SPTLC3: variants seen among roughly 807,000 people sequenced by gnomAD.
SPTLC3 encodes serine palmitoyltransferase 3.
A neutral mutation model predicts 59.3 loss-of-function variants in SPTLC3; 36 were observed. The observed-to-expected ratio is 0.61, with a 90% confidence interval of 0.47 to 0.80. SPTLC3 has a LOEUF of 0.80. SPTLC3 is among the 30% of genes least tolerant of loss of function. The pLI, the probability that SPTLC3 is intolerant of heterozygous loss-of-function variation, is 0.00. For synonymous variants in SPTLC3, 257 were observed against 240.8 expected (o/e 1.07, Z -0.62); for missense variants, 625 against 685.1 (o/e 0.91, Z 0.98).
chr20:13,111,548 C>A (rs1311811195), intron 7 of SPTLC3, among the ~76,000 whole-genome samples: 4 of 152,216 alleles, frequency 2.6e-5, no homozygotes, highest in Non-Finnish European at 5.9e-5. Flanking sequence ...GTATAACTGA[C>A]AACTCGTAGG....
At position 13,067,005 on chromosome 20, in the gene SPTLC3, G is replaced by A. The variant is rs973485092; in HGVS notation, c.304-5251G>A. 4.2e-5 allele frequency among the ~76,000 whole-genome samples: 5 copies of A among 117,660 alleles called. 1 individual carries two copies. The Admixed American group carries it at 4.3e-4, about 10-fold the overall frequency. The allele number at this position is 117,660 out of a possible 152,430, so 77.2% of individuals were successfully genotyped here. ...TGAACTGTTTATCCTTTAAATGGGT[G>A]CATTGTTCTGTTATGTTTATATAAA... On this transcript the variant is annotated intron_variant, in intron 2 of 11. Transcript: ENST00000399002.
intron 9 of SPTLC3, among the ~76,000 whole-genome samples, chr20:13,138,027 C>G (rs1030826757): frequency 6.6e-6 from 1 of 152,146 alleles, no homozygotes; most frequent in Non-Finnish European, 1.5e-5. Flanking sequence ...TTCTTGCCAC[C>G]AACCCAGGGA....
chr20:13,050,022 A>G (rs1194002918), intron 2 of SPTLC3: 1 of 152,190 alleles, frequency 6.6e-6, no homozygotes, highest in Admixed American at 6.5e-5. Flanking sequence ...TGACAAAACA[A>G]GGCTCTTCAA....
At chr20:13,032,199 T>C (rs2122436290) in intron 1 of SPTLC3, among the ~76,000 whole-genome samples, 1 of 152,334 alleles carries the variant, frequency 6.6e-6, no homozygotes, top group South Asian at 2.1e-4. Context: ...GTTCCTCAAG[T>C]GAGCCAGCCA....
In SPTLC3 at chr20:13,025,760, C is replaced by T. The variant is rs138270197; in HGVS notation, c.117+16376C>T. On this transcript the variant is annotated intron_variant, in intron 1 of 11. Coordinates refer to ENST00000399002, the MANE Select transcript of SPTLC3 (RefSeq NM_018327.4). ...AACTTCTATTTTAGGTTCAGGGGTA[C>T]ATGCACAGGCCTGTTATATAGGTAA... Among the ~76,000 whole-genome samples, 371 of 152,182 alleles carry T rather than the reference C, an allele frequency of 2.4e-3. 2 individuals carry two copies. The highest frequency in any genetic ancestry group is 8.6e-3 in the African/African-American group (358 of 41,522).
chr20:13,063,642 T>TTTA (rs926499574), intron 2 of SPTLC3, among the ~76,000 whole-genome samples: 2 of 146,214 alleles, frequency 1.4e-5, no homozygotes, highest in African/African-American at 5.1e-5. Context: ...TTAAATTTTA[T>TTTA]TTATTTATTT....
chr20:13,024,687 G>C (rs377599694), intron 1 of SPTLC3, among the ~76,000 whole-genome samples: 1 of 152,154 alleles, frequency 6.6e-6, no homozygotes, highest in Non-Finnish European at 1.5e-5. Flanking sequence ...TAAAATTAAA[G>C]AGTTTAATCT....
At chr20:13,118,449 G>GAAAAA (rs940467763) in intron 8 of SPTLC3, among the ~76,000 whole-genome samples, 3 of 128,122 alleles carry the variant, frequency 2.3e-5, no homozygotes, top group Non-Finnish European at 4.7e-5. Flanking sequence ...GAGGTTTGTG[G>GAAAAA]AAAAAAAAAA....
intron 9 of SPTLC3, among the ~76,000 whole-genome samples, chr20:13,143,244 C>T (rs1482161260): frequency 6.6e-6 from 1 of 152,138 alleles, no homozygotes; most frequent in Non-Finnish European, 1.5e-5. Context: ...AAGAGGGACC[C>T]AGTTTTAGAG....
At chr20:13,048,861 AG>A (rs1987343849) in intron 1 of SPTLC3, 83 bp from the exon 2 acceptor site, 2 of 1,208,438 alleles carry the variant, frequency 1.7e-6, no homozygotes, top group Middle Eastern at 2.0e-4. Flanking sequence ...TGGAATTCAA[AG>A]GGTTGAAAGT....
chr20:13,114,120 G>C (rs140188044), intron 7 of SPTLC3, among the ~76,000 whole-genome samples: 1 of 152,282 alleles, frequency 6.6e-6, no homozygotes, highest in Non-Finnish European at 1.5e-5. Context: ...CACATCCAAT[G>C]AAGTAAACAT....
intron 2 of SPTLC3, among the ~76,000 whole-genome samples, chr20:13,059,435 G>A (rs1987861998): frequency 6.6e-6 from 1 of 152,156 alleles, no homozygotes; most frequent in Non-Finnish European, 1.5e-5. Flanking sequence ...CTATTCTAAA[G>A]GTTCTCAATT....
At chr20:13,126,145 T>C (rs2037984385) in intron 8 of SPTLC3, among the ~76,000 whole-genome samples, 4 of 152,214 alleles carry the variant, frequency 2.6e-5, no homozygotes, top group Admixed American at 2.6e-4. Flanking sequence ...TGCAGGCCTG[T>C]TGCATGTCCT....
At chr20:13,162,676 C>T (rs2038916763) in intron 11 of SPTLC3, among the ~76,000 whole-genome samples, 1 of 152,202 alleles carries the variant, frequency 6.6e-6, no homozygotes, top group Admixed American at 6.5e-5. Flanking sequence ...GTGACAGTTG[C>T]TCATTCACCA....
At chr20:13,017,047 C>T (rs539778534) in intron 1 of SPTLC3, among the ~76,000 whole-genome samples, 43 of 152,278 alleles carry the variant, frequency 2.8e-4, no homozygotes, top group Non-Finnish European at 5.6e-4. Flanking sequence ...CTTTAGTCCA[C>T]GCTTCCCCTG....
chr20:13,133,881 C>T (rs187297886), intron 9 of SPTLC3, among the ~76,000 whole-genome samples: 18 of 152,334 alleles, frequency 1.2e-4, no homozygotes, highest in Admixed American at 2.0e-4. Flanking sequence ...TAACAACCCC[C>T]ACCTGGCAAC....
At chr20:13,117,235 A>G (rs1171785577) in intron 7 of SPTLC3, among the ~76,000 whole-genome samples, 1 of 152,238 alleles carries the variant, frequency 6.6e-6, no homozygotes, top group Admixed American at 6.5e-5. Context: ...AATTGGATCA[A>G]TAATGCAGTG....
chr20:13,018,509 T>C (rs6041768), intron 1 of SPTLC3, among the ~76,000 whole-genome samples: 6,941 of 152,270 alleles, frequency 0.046, 235 homozygotes, highest in Middle Eastern at 0.092. Context: ...CATTTGAAAA[T>C]TGCCAAATCT....
At chr20:13,026,316 A>G (rs938758326) in intron 1 of SPTLC3, among the ~76,000 whole-genome samples, 3 of 152,186 alleles carry the variant, frequency 2.0e-5, no homozygotes, top group Non-Finnish European at 4.4e-5. Context: ...TGTCATCCAC[A>G]ATGGTTGAAC....
Sources: gnomAD v4.1 joint callset for allele counts (sites outside exome capture counted in the v4.1 genomes callset) on GRCh38, gnomAD v4.1.1 for gene constraint, MANE v1.5 for transcripts, NCBI Gene and HGNC (gene_info 2026-07-23, HGNC 2026-07-21) for gene names.